The following FOXP1 variants were observed in gnomAD, a reference collection of about 807,000 sequenced individuals.
FOXP1 encodes the protein forkhead box P1.
FOXP1 carries 15 observed loss-of-function variants against 98.2 expected under a neutral mutation model. The ratio of observed to expected loss-of-function variants is 0.15; its 90% CI spans 0.10 to 0.24. FOXP1 has a LOEUF of 0.24. FOXP1 is among the 10% of genes least tolerant of loss of function. The probability of loss-of-function intolerance (pLI) is 1.00; values close to 1 mark genes in which losing one functional copy is unlikely to be tolerated. For synonymous variants in FOXP1, 371 were observed against 314.5 expected (o/e 1.18, Z -1.90); for missense variants, 633 against 848.5 (o/e 0.75, Z 3.15).
intron 6 of FOXP1, among the ~76,000 whole-genome samples, chr3:71,125,064 G>C (rs773975986): frequency 6.6e-6 from 1 of 152,162 alleles, no homozygotes; most frequent in South Asian, 2.1e-4. Flanking sequence ...AAATGTACTT[G>C]AGCAACTATG....
intron 4 of FOXP1, among the ~76,000 whole-genome samples, chr3:71,355,099 C>G (rs1209406760): frequency 6.6e-6 from 1 of 152,162 alleles, no homozygotes; most frequent in Non-Finnish European, 1.5e-5. Flanking sequence ...AGAGAAAACC[C>G]AAGGGCAGTA....
At chr3:70,966,084 A>G (rs758476518) in intron 19 of FOXP1, 28 bp from the exon 20 acceptor site, 3 of 1,600,846 alleles carry the variant, frequency 1.9e-6, no homozygotes, top group Non-Finnish European at 1.7e-6. Context: ...AAAATTTATG[A>G]AGACACAGGG....
Position 71,169,782 on chromosome 3 carries a change from GCA to G in FOXP1, c.180+28418_180+28419del, listed in dbSNP as rs1491414196. Among the ~76,000 whole-genome samples the G allele has an allele frequency of 2.4e-3, 321 of 132,048 alleles. 3 individuals carry two copies. Among genetic ancestry groups the G allele is most frequent in the African/African-American group, 9.2e-3 (311 of 33,816 alleles). The allele number at this position is 132,048 out of a possible 152,430, so 86.6% of individuals were successfully genotyped here. On this transcript the variant is annotated intron_variant, in intron 6 of 20. Transcript: ENST00000649528. ...TTAATTACTGGCTAAAAAATTACTGGCAAAAAAAAAAAAAAAAGATTTTTTGC... is the reference window on the plus strand; with the variant it reads ...TTAATTACTGGCTAAAAAATTACTGGAAAAAAAAAAAAAAAGATTTTTTGC...
At chr3:71,554,359 A>G (rs999063865) in intron 2 of FOXP1, among the ~76,000 whole-genome samples, 2 of 152,168 alleles carry the variant, frequency 1.3e-5, no homozygotes, top group Non-Finnish European at 2.9e-5. Flanking sequence ...TCTCTTTAAC[A>G]AATTTTTTTA....
At chr3:71,136,829 A>AT (rs1553755068) in intron 6 of FOXP1, among the ~76,000 whole-genome samples, 2 of 151,764 alleles carry the variant, frequency 1.3e-5, no homozygotes, top group Admixed American at 6.6e-5. Context: ...CAAAAAAAAA[A>AT]GATTACTGGT....
chr3:71,446,052 AG>A (rs1163252043), intron 3 of FOXP1, among the ~76,000 whole-genome samples: 1 of 80,972 alleles, frequency 1.2e-5, no homozygotes, highest in East Asian at 2.2e-4. Context: ...TGAGTGAGTG[AG>A]TGAGTGAGTG....
At chr3:71,018,019 T>C (rs2044770257) in intron 11 of FOXP1, among the ~76,000 whole-genome samples, 2 of 152,204 alleles carry the variant, frequency 1.3e-5, no homozygotes, top group Non-Finnish European at 2.9e-5. Flanking sequence ...AGTTAAGAAC[T>C]GTAAGTGGTT....
chr3:71,206,273 C>T (rs906202212), intron 5 of FOXP1, among the ~76,000 whole-genome samples: 1 of 152,164 alleles, frequency 6.6e-6, no homozygotes, highest in African/African-American at 2.4e-5. Context: ...ATTTCCTGTA[C>T]ACTTCTTTAA....
At chr3:71,431,582 T>C (rs2084725460) in intron 3 of FOXP1, among the ~76,000 whole-genome samples, 1 of 152,112 alleles carries the variant, frequency 6.6e-6, no homozygotes, top group African/African-American at 2.4e-5. Context: ...GAAGCAGAGA[T>C]TCAAACCCTG....
intron 6 of FOXP1, among the ~76,000 whole-genome samples, chr3:71,144,697 C>A (rs1408815944): frequency 2.0e-5 from 3 of 152,056 alleles, no homozygotes; most frequent in African/African-American, 7.3e-5. Context: ...GCAGTTTGGA[C>A]TGACACATTG....
chr3:71,494,498 C>T lies in FOXP1; in HGVS notation c.-297-943G>A, dbSNP rs1047857240. Among the ~76,000 whole-genome samples, 3 of 152,194 alleles carry T rather than the reference C, an allele frequency of 2.0e-5. No individual in the cohort carries two copies. The South Asian group carries it at 6.2e-4, about 31-fold the overall frequency. ...CAAGCGCTTAGAATGCTAAGCCTGG[C>T]ACCAGTACCTAACCCTATTGAGCCA... On this transcript the variant is annotated intron_variant, in intron 2 of 20. Transcript: ENST00000649528.
At chr3:71,203,715 G>A (rs1317150986) in intron 5 of FOXP1, among the ~76,000 whole-genome samples, 3 of 152,186 alleles carry the variant, frequency 2.0e-5, no homozygotes, top group Non-Finnish European at 4.4e-5. Context: ...AAAAGGATGT[G>A]TAAATTAAAC....
chr3:71,554,889 T>C (rs528369380), intron 2 of FOXP1, among the ~76,000 whole-genome samples: 7 of 152,332 alleles, frequency 4.6e-5, no homozygotes, highest in East Asian at 1.9e-4. Context: ...GATTTGTATA[T>C]GCTTGGTGAT....
At chr3:71,107,082 T>A (rs1471974850) in intron 7 of FOXP1, among the ~76,000 whole-genome samples, 1 of 151,826 alleles carries the variant, frequency 6.6e-6, no homozygotes. Context: ...CCTTCAAGAG[T>A]GGGAATTATG....
intron 3 of FOXP1, among the ~76,000 whole-genome samples, chr3:71,474,983 G>C (rs1367677895): frequency 6.6e-6 from 1 of 151,984 alleles, no homozygotes; most frequent in East Asian, 1.9e-4. Context: ...CTTCCTCATG[G>C]AGTTTCCCAT....
intron 8 of FOXP1, 24 bp from the exon 9 acceptor site, chr3:71,052,650 A>G (rs756505385): frequency 3.2e-6 from 3 of 950,366 alleles, no homozygotes; most frequent in Non-Finnish European, 5.2e-6. Flanking sequence ...AGAGGACGGT[A>G]AGTAACAGAG....
At chr3:71,524,350 G>A (rs2043212617) in intron 2 of FOXP1, among the ~76,000 whole-genome samples, 2 of 152,002 alleles carry the variant, frequency 1.3e-5, no homozygotes, top group South Asian at 2.1e-4. Context: ...GTGCCATAGT[G>A]AGACTGTCTC....
intron 2 of FOXP1, among the ~76,000 whole-genome samples, chr3:71,560,738 T>C (rs977095248): frequency 1.3e-5 from 2 of 152,232 alleles, no homozygotes; most frequent in Non-Finnish European, 2.9e-5. Flanking sequence ...AAGAATGAAG[T>C]ACTGATTCGT....
chr3:71,193,556 C>T (rs1317701485), intron 6 of FOXP1, among the ~76,000 whole-genome samples: 2 of 151,888 alleles, frequency 1.3e-5, no homozygotes, highest in East Asian at 1.9e-4. Flanking sequence ...TCAAGTGATT[C>T]TCCTGCCTCA....
Sources: gnomAD v4.1 joint callset for allele counts (sites outside exome capture counted in the v4.1 genomes callset) on GRCh38, gnomAD v4.1.1 for gene constraint, MANE v1.5 for transcripts, NCBI Gene and HGNC (gene_info 2026-07-23, HGNC 2026-07-21) for gene names.